Variants in TULP4 observed in about 807,000 individuals in gnomAD.
TULP4 encodes the protein tubby-related protein 4.
Under a neutral mutation model 129.0 loss-of-function variants are expected in TULP4, and 16 were observed. The ratio of observed to expected loss-of-function variants is 0.12; its 90% CI spans 0.08 to 0.19. The LOEUF is 0.19. Ranked by LOEUF, TULP4 falls within the 10% of genes least tolerant of loss-of-function variation. TULP4 has a pLI of 1.00. For missense variants in TULP4, 1,842 were observed against 2,059.1 expected (o/e 0.89, Z 2.04); for synonymous variants, 998 against 854.0 (o/e 1.17, Z -2.94).
At chr6:158,394,814 A>AAAG (rs1777668062) in intron 1 of TULP4, among the ~76,000 whole-genome samples, 2 of 147,642 alleles carry the variant, frequency 1.4e-5, no homozygotes, top group Admixed American at 6.8e-5. Flanking sequence ...AAAAAAAAAA[A>AAAG]GGAACTACCT....
chr6:158,266,711 A>G (rs1778453562), intron 1 of TULP4, among the ~76,000 whole-genome samples: 1 of 152,232 alleles, frequency 6.6e-6, no homozygotes, highest in Non-Finnish European at 1.5e-5. Context: ...TAAATAATCT[A>G]GAGATGATGT....
At chr6:158,447,521 G>T (rs1036652191) in intron 3 of TULP4, among the ~76,000 whole-genome samples, 1 of 152,186 alleles carries the variant, frequency 6.6e-6, no homozygotes, top group Non-Finnish European at 1.5e-5. Flanking sequence ...TCTGCAGGCA[G>T]TCTCTTAGTC....
chr6:158,376,190 AC>A (rs1777184761), intron 1 of TULP4, among the ~76,000 whole-genome samples: 1 of 152,190 alleles, frequency 6.6e-6, no homozygotes, highest in South Asian at 2.1e-4. Flanking sequence ...AGACTCAGTT[AC>A]TTAAAAAAGC....
intron 8 of TULP4, among the ~76,000 whole-genome samples, chr6:158,488,109 GA>G (rs1192022056): frequency 6.6e-6 from 1 of 152,124 alleles, no homozygotes; most frequent in Non-Finnish European, 1.5e-5. Flanking sequence ...CTATAAAAAA[GA>G]AAATAGTAGT....
At chr6:158,439,932 C>T (rs905094157) in intron 3 of TULP4, among the ~76,000 whole-genome samples, 3 of 151,178 alleles carry the variant, frequency 2.0e-5, no homozygotes, top group South Asian at 2.1e-4. Flanking sequence ...AGGATGGTCT[C>T]GATCTCCTGA....
intron 1 of TULP4, among the ~76,000 whole-genome samples, chr6:158,393,488 G>T (rs939466711): frequency 5.3e-5 from 8 of 152,224 alleles, no homozygotes; most frequent in Non-Finnish European, 1.5e-5. Flanking sequence ...CACTCCTGCA[G>T]CAGACTTCTC....
chr6:158,266,397 C>T (rs1229361546), intron 1 of TULP4, among the ~76,000 whole-genome samples: 1 of 152,184 alleles, frequency 6.6e-6, no homozygotes, highest in Non-Finnish European at 1.5e-5. Context: ...GCTGGGACTA[C>T]AGGCACGTGC....
intron 8 of TULP4, among the ~76,000 whole-genome samples, chr6:158,487,188 G>T (rs1381246749): frequency 7.9e-6 from 1 of 126,328 alleles, no homozygotes; most frequent in African/African-American, 3.1e-5. Context: ...TGAGGCAGGA[G>T]ATGGAGGCTG....
chr6:158,392,270 G>C (rs827971), intron 1 of TULP4, among the ~76,000 whole-genome samples: 106,177 of 151,838 alleles, frequency 0.7, 37,743 homozygotes, highest in Middle Eastern at 0.74. Context: ...TGGGAAAGAA[G>C]TGCCCCCATG....
intron 1 of TULP4, among the ~76,000 whole-genome samples, chr6:158,356,237 T>C (rs2114818591): frequency 6.6e-6 from 1 of 152,164 alleles, no homozygotes; most frequent in Admixed American, 6.5e-5. Context: ...AAGCCACATA[T>C]TGAGGATAAA....
At chr6:158,236,606 C>CT in intron 1 of TULP4, among the ~76,000 whole-genome samples, 1 of 123,856 alleles carries the variant, frequency 8.1e-6, no homozygotes, top group Admixed American at 9.3e-5. Context: ...CACCTAAGGC[C>CT]TCCATAATTT....
chr6:158,374,091 T>C (rs1777130771), intron 1 of TULP4, among the ~76,000 whole-genome samples: 1 of 152,148 alleles, frequency 6.6e-6, no homozygotes, highest in South Asian at 2.1e-4. Context: ...ATTAATAACA[T>C]AATGATGCAA....
At chr6:158,288,801 T>A (rs1778877827) in intron 1 of TULP4, among the ~76,000 whole-genome samples, 1 of 152,168 alleles carries the variant, frequency 6.6e-6, no homozygotes. Flanking sequence ...CGCCCAGCCA[T>A]GAGTGTTGAA....
At position 158,334,765 on chromosome 6, in the gene TULP4, C is replaced by T. The variant is rs1413000589; in HGVS notation, c.252+20497C>T. Among the ~76,000 whole-genome samples, 4 of 152,142 alleles carry T rather than the reference C, an allele frequency of 2.6e-5. No homozygotes were observed. In the East Asian group the frequency reaches 7.7e-4, roughly 29 times the overall value. On this transcript the variant is annotated intron_variant, in intron 1 of 13. Coordinates refer to ENST00000367097, the MANE Select transcript of TULP4 (RefSeq NM_020245.5). ...ATGTCATCATATTTAGAGGTGAGGC[C>T]TTAAAGAGGTGATTAAGTCATGAGG... is the stretch of plus-strand genomic sequence containing the variant.
chr6:158,500,676 C>T (rs775159774), intron 12 of TULP4, among the ~76,000 whole-genome samples: 5 of 152,172 alleles, frequency 3.3e-5, no homozygotes, highest in Admixed American at 6.5e-5. Flanking sequence ...TTCAAATGCA[C>T]GCACGCTCTG....
intron 3 of TULP4, among the ~76,000 whole-genome samples, chr6:158,439,605 AT>A (rs1778837099): frequency 1.3e-5 from 2 of 149,514 alleles, no homozygotes; most frequent in African/African-American, 4.9e-5. Flanking sequence ...CACTGCATAG[AT>A]TTTAGTTTCC....
chr6:158,389,470 C>CT (rs530342518), intron 1 of TULP4, among the ~76,000 whole-genome samples: 89 of 152,142 alleles, frequency 5.8e-4, no homozygotes, highest in African/African-American at 2.0e-3. Flanking sequence ...TCAAAACAAA[C>CT]AAACAAACAA....
Position 158,493,857 on chromosome 6 carries a change from T to G in TULP4, c.1776+140T>G. Reference sequence around the variant, plus strand: ...GCTCCACATCCTGCACACCACCTACTACCTCAGGAGTAGCCCTCAGGTGGA... The same window carrying G: ...GCTCCACATCCTGCACACCACCTACGACCTCAGGAGTAGCCCTCAGGTGGA... On this transcript the variant is annotated intron_variant, in intron 10 of 13. Transcript: ENST00000367097. The surrounding 1 kb of genome is among the most constrained non-coding windows in gnomAD (Gnocchi z 4.4). 2 of 937,100 alleles carry G rather than the reference T, an allele frequency of 2.1e-6. No homozygotes were observed. Among genetic ancestry groups the G allele is most frequent in the Non-Finnish European group, 3.0e-6 (2 of 671,910 alleles). 58.0% of individuals were successfully genotyped at this position (937,100 alleles called of 1,614,324 possible).
intron 1 of TULP4, among the ~76,000 whole-genome samples, chr6:158,253,391 C>G (rs923207438): frequency 6.6e-6 from 1 of 151,894 alleles, no homozygotes; most frequent in Non-Finnish European, 1.5e-5. Flanking sequence ...GGCCTGCTCT[C>G]CTGTCTCTGC....
Sources: gnomAD v4.1 joint callset for allele counts (sites outside exome capture counted in the v4.1 genomes callset) on GRCh38, gnomAD v4.1.1 for gene constraint, Gnocchi (gnomAD v3.1) non-coding constraint, MANE v1.5 for transcripts, NCBI Gene and HGNC (gene_info 2026-07-23, HGNC 2026-07-21) for gene names.